The following AJAP1 variants were observed in gnomAD, a reference collection of about 807,000 sequenced individuals.
AJAP1 encodes adherens junctions associated protein 1, also known as adherens junction-associated protein 1.
A neutral mutation model predicts 35.0 loss-of-function variants in AJAP1; 5 were observed. The ratio of observed to expected loss-of-function variants is 0.14; its 90% CI spans 0.07 to 0.30. The LOEUF is 0.30. AJAP1 is among the 10% of genes least tolerant of loss of function. The pLI, the probability that AJAP1 is intolerant of heterozygous loss-of-function variation, is 1.00. For missense variants in AJAP1, 586 were observed against 571.0 expected, an observed-to-expected ratio of 1.03 and a Z score of -0.27; for synonymous variants, 284 against 249.3, an observed-to-expected ratio of 1.14 and a Z score of -1.31.
intron 2 of AJAP1, among the ~76,000 whole-genome samples, chr1:4,713,269 T>G (rs1287878417): frequency 6.6e-6 from 1 of 152,184 alleles, no homozygotes; most frequent in Non-Finnish European, 1.5e-5. Flanking sequence ...AAGAACTTCC[T>G]GCGGTGTTAA....
chr1:4,725,411 G>T (rs1312244880), intron 2 of AJAP1, among the ~76,000 whole-genome samples: 4 of 152,140 alleles, frequency 2.6e-5, no homozygotes, highest in Non-Finnish European at 4.4e-5. Flanking sequence ...GGGCAGGGCT[G>T]TCGTCATGGT....
At chr1:4,749,163 G>A (rs1216176713) in intron 2 of AJAP1, among the ~76,000 whole-genome samples, 2 of 152,158 alleles carry the variant, frequency 1.3e-5, no homozygotes, top group Non-Finnish European at 2.9e-5. Flanking sequence ...AGGGCCTTCC[G>A]TGAGCTCACA....
chr1:4,755,507 G>A (rs549584831), intron 2 of AJAP1, among the ~76,000 whole-genome samples: 8 of 152,124 alleles, frequency 5.3e-5, no homozygotes, highest in Non-Finnish European at 7.4e-5. Flanking sequence ...GCAAGCTTCC[G>A]GCCTTGCTCC....
rs189171493 is a variant in AJAP1 at position 4,722,326 on chromosome 1, C to T, written c.829+9627C>T. On this transcript the variant is annotated intron_variant, in intron 2 of 5. Coordinates refer to ENST00000378191, the MANE Select transcript of AJAP1 (RefSeq NM_018836.4). ...GCAAGTTCACAGCGCAGAGGCGATC[C>T]GTGGTTTGCACACTTGTCCTGTGCA... Among the ~76,000 whole-genome samples, 61 of 152,326 alleles carry T rather than the reference C, an allele frequency of 4.0e-4. No individual in the cohort carries two copies. In the Middle Eastern group the frequency reaches 0.01, roughly 25 times the overall value.
At chr1:4,684,688 C>T (rs576298532) in intron 1 of AJAP1, among the ~76,000 whole-genome samples, 2 of 152,254 alleles carry the variant, frequency 1.3e-5, no homozygotes, top group South Asian at 2.1e-4. Context: ...AGACATCTAT[C>T]CATTTCACAG....
intron 2 of AJAP1, among the ~76,000 whole-genome samples, chr1:4,761,650 A>G (rs1641568933): frequency 6.6e-6 from 1 of 152,210 alleles, no homozygotes; most frequent in Admixed American, 6.5e-5. Flanking sequence ...ATTGACTCGC[A>G]CGTTCACAAG....
chr1:4,760,460 G>C lies in AJAP1; in HGVS notation c.830-9393G>C, dbSNP rs191941396. ...CCTGGAACCACTGAATGCTCTCTCTGAGGGGGTTTCTGCTTCTTCCAGCAC... is the reference window on the plus strand; with the variant it reads ...CCTGGAACCACTGAATGCTCTCTCTCAGGGGGTTTCTGCTTCTTCCAGCAC... On this transcript the variant is annotated intron_variant, in intron 2 of 5. Transcript: ENST00000378191. Among the ~76,000 whole-genome samples, 238 of 152,268 alleles carry C rather than the reference G, an allele frequency of 1.6e-3. 1 individual carries two copies. The highest frequency in any genetic ancestry group is 3.2e-3 in the African/African-American group (135 of 41,572).
chr1:4,785,595 C>CTT lies in AJAP1; in HGVS notation c.*3112_*3113dup, dbSNP rs1364255880. 1 of 152,130 alleles carries CTT rather than the reference C, an allele frequency of 6.6e-6. No individual in the cohort carries two copies. Among genetic ancestry groups the CTT allele is most frequent in the African/African-American group, 2.4e-5 (1 of 41,414 alleles). The allele number at this position is 152,130 out of a possible 1,614,324, so 9.4% of individuals were successfully genotyped here. On this transcript the variant is annotated 3_prime_UTR_variant, in exon 6 of 6. Coordinates refer to ENST00000378191, the MANE Select transcript of AJAP1 (RefSeq NM_018836.4). ...CATATGTATAGGTAATGCCCATGTACTTTGTGTGTCGGTGGCTGCTGATTT... is the reference window on the plus strand; with the variant it reads ...CATATGTATAGGTAATGCCCATGTACTTTTTGTGTGTCGGTGGCTGCTGATTT...
chr1:4,783,049 C>T lies in AJAP1; in HGVS notation c.*564C>T, dbSNP rs1436829399. The T allele has an allele frequency of 2.6e-6, 1 of 387,420 alleles. No individual in the cohort carries two copies. The highest frequency in any genetic ancestry group is 4.5e-6 in the Non-Finnish European group (1 of 220,626). The allele number at this position is 387,420 out of a possible 1,614,324, so 24.0% of individuals were successfully genotyped here. On this transcript the variant is annotated 3_prime_UTR_variant, in exon 6 of 6. Coordinates refer to ENST00000378191, the MANE Select transcript of AJAP1 (RefSeq NM_018836.4). ...ATATATAAATACAAACACACACACA[C>T]ACTTTTTTTGTACTGTAGCAATTTT... is the stretch of plus-strand genomic sequence containing the variant.
rs920329688 is a variant in AJAP1 at position 4,789,304 on chromosome 1, G to T, written c.*6819G>T. On this transcript the variant is annotated 3_prime_UTR_variant, in exon 6 of 6. Coordinates refer to ENST00000378191, the MANE Select transcript of AJAP1 (RefSeq NM_018836.4). This position sits in a 1 kb window ranked among gnomAD's most constrained non-coding sequence, Gnocchi z 4.4. ...AATGGGTTAATGTTCTAAGCCAAGAGAGTTCTAAGCCAAGACATGTGCTTG... is the reference window on the plus strand; with the variant it reads ...AATGGGTTAATGTTCTAAGCCAAGATAGTTCTAAGCCAAGACATGTGCTTG... 2.6e-5 allele frequency: 4 copies of T among 152,216 alleles called. No homozygotes were observed. The highest frequency in any genetic ancestry group is 2.6e-4 in the Admixed American group (4 of 15,278). The allele number at this position is 152,216 out of a possible 1,614,324, so 9.4% of individuals were successfully genotyped here. A position where few individuals can be genotyped will look rare whatever the true frequency, so the allele number is the denominator to read the frequency against.
rs908124043 is a variant in AJAP1, at chr1:4,701,352, T to G, written c.30-10548T>G. ...GTTGGTTACACGGGTTAGTTTTGCT[T>G]ACGCAGCTGGCGGGTTGCAGTGCCA... On this transcript the variant is annotated intron_variant, in intron 1 of 5. Coordinates refer to ENST00000378191, the MANE Select transcript of AJAP1 (RefSeq NM_018836.4). Among the ~76,000 whole-genome samples, 4 of 152,318 alleles carry G rather than the reference T, an allele frequency of 2.6e-5. No individual in the cohort carries two copies. The South Asian group carries it at 8.3e-4, about 32-fold the overall frequency.
intron 1 of AJAP1, among the ~76,000 whole-genome samples, chr1:4,671,123 C>T (rs879735059): frequency 4.6e-5 from 7 of 152,200 alleles, no homozygotes; most frequent in Non-Finnish European, 1.0e-4. Flanking sequence ...AGTCCCAGCT[C>T]TTTGGGAGGC....
At chr1:4,696,733 G>A (rs1383797786) in intron 1 of AJAP1, among the ~76,000 whole-genome samples, 3 of 152,196 alleles carry the variant, frequency 2.0e-5, no homozygotes, top group Non-Finnish European at 4.4e-5. Flanking sequence ...GTGTGTGCAC[G>A]CACCTGCGTT....
chr1:4,746,791 T>C (rs1641197754), intron 2 of AJAP1, among the ~76,000 whole-genome samples: 1 of 152,132 alleles, frequency 6.6e-6, no homozygotes, highest in Admixed American at 6.5e-5. Context: ...CATTTGGGTG[T>C]CATAGATTGG....
At chr1:4,663,319 G>A in intron 1 of AJAP1, among the ~76,000 whole-genome samples, 1 of 151,854 alleles carries the variant, frequency 6.6e-6, no homozygotes, top group Non-Finnish European at 1.5e-5. Flanking sequence ...CAGGGTCATA[G>A]GCACAGGGCA....
At position 4,654,704 on chromosome 1, in the gene AJAP1, T is replaced by C. The variant is rs1638831184; in HGVS notation, c.-722T>C. ...GGCCCCGGGATCCCCGCGCGCCTCC[T>C]CCGCGCGGCGCCGCCGCCGCGCGTC... On this transcript the variant is annotated 5_prime_UTR_variant, in exon 1 of 6. Coordinates refer to ENST00000378191, the MANE Select transcript of AJAP1 (RefSeq NM_018836.4). The surrounding 1 kb of genome is among the most constrained non-coding windows in gnomAD (Gnocchi z 5.1). The C allele has an allele frequency of 1.4e-5, 2 of 145,820 alleles. No individual in the cohort carries two copies. Among genetic ancestry groups the C allele is most frequent in the African/African-American group, 4.9e-5 (2 of 40,676 alleles). The allele number at this position is 145,820 out of a possible 1,614,324, so 9.0% of individuals were successfully genotyped here. A position where few individuals can be genotyped will look rare whatever the true frequency, so the allele number is the denominator to read the frequency against.
intron 1 of AJAP1, among the ~76,000 whole-genome samples, chr1:4,698,985 C>T (rs1303814616): frequency 1.3e-5 from 2 of 152,182 alleles, no homozygotes; most frequent in African/African-American, 4.8e-5. Context: ...CCCCGGTGCA[C>T]CTGCAGCTGT....
rs374181628 is a variant in AJAP1, at chr1:4,788,913, T to C, written c.*6428T>C. 7.2e-5 allele frequency: 11 copies of C among 152,328 alleles called. No homozygotes were observed. The highest frequency in any genetic ancestry group is 1.9e-4 in the African/African-American group (8 of 41,570). The allele number at this position is 152,328 out of a possible 1,614,324, so 9.4% of individuals were successfully genotyped here. Reference sequence around the variant, plus strand: ...GCCCATGCCCCATTGTAAAGGTGACTGAAGAGAATGGTCAACTCGGTGGTG... The same window carrying C: ...GCCCATGCCCCATTGTAAAGGTGACCGAAGAGAATGGTCAACTCGGTGGTG... On this transcript the variant is annotated 3_prime_UTR_variant, in exon 6 of 6. Coordinates refer to ENST00000378191, the MANE Select transcript of AJAP1 (RefSeq NM_018836.4).
At chr1:4,779,299 C>G (rs764147702) in intron 5 of AJAP1, among the ~76,000 whole-genome samples, 2 of 151,790 alleles carry the variant, frequency 1.3e-5, no homozygotes, top group African/African-American at 4.8e-5. Flanking sequence ...TCTGATGAGC[C>G]AGCATGGGAA....
Sources: gnomAD v4.1 joint callset for allele counts (sites outside exome capture counted in the v4.1 genomes callset) on GRCh38, gnomAD v4.1.1 for gene constraint, Gnocchi (gnomAD v3.1) non-coding constraint, MANE v1.5 for transcripts, NCBI Gene and HGNC (gene_info 2026-07-23, HGNC 2026-07-21) for gene names.